PRKAR1B: variants seen among roughly 807,000 people sequenced by gnomAD.
PRKAR1B encodes protein kinase cAMP-dependent type I regulatory subunit beta.
PRKAR1B carries 22 observed loss-of-function variants against 46.5 expected under a neutral mutation model. That is an observed-to-expected ratio of 0.47 (90% confidence interval 0.34 to 0.68). The LOEUF (loss-of-function observed/expected upper bound fraction) is 0.68. Ranked by LOEUF, PRKAR1B falls within the 30% of genes least tolerant of loss-of-function variation. The probability of loss-of-function intolerance (pLI) is 0.01; values close to 1 mark genes in which losing one functional copy is unlikely to be tolerated. For synonymous variants in PRKAR1B, 259 were observed against 217.7 expected, an observed-to-expected ratio of 1.19 and a Z score of -1.67; for missense variants, 445 against 535.6, an observed-to-expected ratio of 0.83 and a Z score of 1.67.
intron 2 of PRKAR1B, among the ~76,000 whole-genome samples, chr7:693,238 CTTTTT>C (rs111739617): frequency 7.2e-6 from 1 of 138,490 alleles, no homozygotes; most frequent in African/African-American, 2.7e-5. Context: ...TCCTGTCGAG[CTTTTT>C]TTTTTTTTTT....
chr7:657,266 C>CGGATGGAT (rs34846168), intron 4 of PRKAR1B, among the ~76,000 whole-genome samples: 1,105 of 98,792 alleles, frequency 0.011, 44 homozygotes, highest in East Asian at 0.026. Context: ...AATGGACGGA[C>CGGATGGAT]GGATGGATGG....
In PRKAR1B at chr7:644,469, G is replaced by A. The variant is rs1036682999; in HGVS notation, c.440+32760C>T. ...TCTCTGCCTGCAGGCTCTTGCATCA[G>A]GAGGGAAGCCCCACTCGGACGCCAT... On this transcript the variant is annotated intron_variant, in intron 4 of 10. Coordinates refer to ENST00000537384, the MANE Select transcript of PRKAR1B (RefSeq NM_001164760.2). The surrounding 1 kb of genome is among the most constrained non-coding windows in gnomAD (Gnocchi z 4.9). Among the ~76,000 whole-genome samples the A allele has an allele frequency of 2.0e-5, 3 of 152,164 alleles. No homozygotes were observed. The highest frequency in any genetic ancestry group is 7.2e-5 in the African/African-American group (3 of 41,438).
At chr7:620,504 T>C (rs1002654964) in intron 4 of PRKAR1B, among the ~76,000 whole-genome samples, 1 of 152,224 alleles carries the variant, frequency 6.6e-6, no homozygotes, top group African/African-American at 2.4e-5. Flanking sequence ...GCTCTTTTTT[T>C]TCTCTCTTTC....
rs189015233 is a variant in PRKAR1B at position 690,129 on chromosome 7, T to A, written c.178-9403A>T. Among the ~76,000 whole-genome samples, 359 of 151,958 alleles carry A rather than the reference T, an allele frequency of 2.4e-3. 1 individual carries two copies. Among genetic ancestry groups the A allele is most frequent in the African/African-American group, 8.0e-3 (333 of 41,520 alleles). On this transcript the variant is annotated intron_variant, in intron 2 of 10. Coordinates refer to ENST00000537384, the MANE Select transcript of PRKAR1B (RefSeq NM_001164760.2). ...CTGGGCAACATGGTGAAACCCCGTC[T>A]CTACTAAAATACAAAAATTAGCCAG...
intron 2 of PRKAR1B, among the ~76,000 whole-genome samples, chr7:707,002 C>A (rs1780364620): frequency 6.6e-6 from 1 of 152,202 alleles, no homozygotes; most frequent in Non-Finnish European, 1.5e-5. Flanking sequence ...CCAGGGCTGC[C>A]GCCCTACCCA....
At chr7:591,634 G>A (rs944016595) in intron 7 of PRKAR1B, among the ~76,000 whole-genome samples, 1 of 152,174 alleles carries the variant, frequency 6.6e-6, no homozygotes. Context: ...AGGGTCGCTT[G>A]AGCTCATGAG....
intron 4 of PRKAR1B, among the ~76,000 whole-genome samples, chr7:623,852 A>G (rs1354081570): frequency 6.6e-6 from 1 of 152,236 alleles, no homozygotes; most frequent in African/African-American, 2.4e-5. Flanking sequence ...GCCAGGGTTC[A>G]GGGTATGGAA....
intron 9 of PRKAR1B, among the ~76,000 whole-genome samples, chr7:556,118 G>A (rs28649270): frequency 6.6e-6 from 1 of 152,106 alleles, no homozygotes; most frequent in African/African-American, 2.4e-5. Context: ...AAGCTCCCAG[G>A]CACCCCCAGG....
At chr7:642,747 A>G (rs1784453590) in intron 4 of PRKAR1B, among the ~76,000 whole-genome samples, 1 of 146,940 alleles carries the variant, frequency 6.8e-6, no homozygotes, top group African/African-American at 2.7e-5. Context: ...AAAAAAAAAA[A>G]AAGAAAGAAA....
At position 667,162 on chromosome 7, in the gene PRKAR1B, TGGTG is replaced by T. The variant is rs1785980075; in HGVS notation, c.440+10063_440+10066del. ...GTGGTGGTGATGGTGATGATAATGATGGTGATGATGACAGTGATGATGGTGATGG... is the reference window on the plus strand; with the variant it reads ...GTGGTGGTGATGGTGATGATAATGATATGATGACAGTGATGATGGTGATGG... On this transcript the variant is annotated intron_variant, in intron 4 of 10. Coordinates refer to ENST00000537384, the MANE Select transcript of PRKAR1B (RefSeq NM_001164760.2). This position sits in a 1 kb window ranked among gnomAD's most constrained non-coding sequence, Gnocchi z 4.3. Among the ~76,000 whole-genome samples, 1 of 152,010 alleles carries T rather than the reference TGGTG, an allele frequency of 6.6e-6. No individual in the cohort carries two copies. Among genetic ancestry groups the T allele is most frequent in the Non-Finnish European group, 1.5e-5 (1 of 68,004 alleles).
At position 564,877 on chromosome 7, in the gene PRKAR1B, C is replaced by T. The variant is rs182335850; in HGVS notation, c.892-13407G>A. Among the ~76,000 whole-genome samples, 487 of 152,256 alleles carry T rather than the reference C, an allele frequency of 3.2e-3. 2 individuals carry two copies. Among genetic ancestry groups the T allele is most frequent in the African/African-American group, 0.011 (454 of 41,558 alleles). On this transcript the variant is annotated intron_variant, in intron 9 of 10. Transcript: ENST00000537384. ...ATGCCCCCCAACCTTGCATCTGGGA[C>T]GGGAGCCCAGGGGTATTTTTCCACC...
Position 602,784 on chromosome 7 carries a change from G to A in PRKAR1B, c.549+3409C>T, listed in dbSNP as rs933029121. Reference sequence around the variant, plus strand: ...GGGCCAAGAGCAGAACCCCAGGAGGGTTATCTCAGTCTTCCCGGCAGCAGT... The same window carrying A: ...GGGCCAAGAGCAGAACCCCAGGAGGATTATCTCAGTCTTCCCGGCAGCAGT... On this transcript the variant is annotated intron_variant, in intron 6 of 10. Coordinates refer to ENST00000537384, the MANE Select transcript of PRKAR1B (RefSeq NM_001164760.2). The surrounding 1 kb of genome is among the most constrained non-coding windows in gnomAD (Gnocchi z 6.4). The A allele has an allele frequency of 1.1e-4, 19 of 167,208 alleles. No individual in the cohort carries two copies. Among genetic ancestry groups the A allele is most frequent in the African/African-American group, 4.3e-4 (18 of 41,524 alleles). 10.4% of individuals were successfully genotyped at this position (167,208 alleles called of 1,614,324 possible).
At position 610,155 on chromosome 7, in the gene PRKAR1B, CAG is replaced by C. The variant is rs1562560889; in HGVS notation, c.441-2705_441-2704del. Among the ~76,000 whole-genome samples, 3 of 152,344 alleles carry C rather than the reference CAG, an allele frequency of 2.0e-5. No homozygotes were observed. The South Asian group carries it at 6.2e-4, about 32-fold the overall frequency. ...ACACGCTGGGCCACGATGGACATGA[CAG>C]AACTCCCCATGAACAGGGGGCAGGT... On this transcript the variant is annotated intron_variant, in intron 4 of 10. Transcript: ENST00000537384.
At chr7:678,497 C>T (rs1362856287) in intron 3 of PRKAR1B, among the ~76,000 whole-genome samples, 1 of 152,200 alleles carries the variant, frequency 6.6e-6, no homozygotes, top group Non-Finnish European at 1.5e-5. Context: ...ACTCTGCACC[C>T]TTTGATCAAC....
At chr7:640,570 C>G (rs1784335243) in intron 4 of PRKAR1B, among the ~76,000 whole-genome samples, 1 of 152,142 alleles carries the variant, frequency 6.6e-6, no homozygotes, top group South Asian at 2.1e-4. Flanking sequence ...CGAGACCAAC[C>G]TGGCTAACAT....
At position 619,099 on chromosome 7, in the gene PRKAR1B, A is replaced by G. The variant is rs148519587; in HGVS notation, c.441-11647T>C. Among the ~76,000 whole-genome samples, 15 of 152,332 alleles carry G rather than the reference A, an allele frequency of 9.8e-5. No homozygotes were observed. In the East Asian group the frequency reaches 2.5e-3, roughly 25 times the overall value. ...CTGGAGTAGGGTTGGCCCTAACTCA[A>G]TATGATTGGTGTCCTTATAAAAAGA... On this transcript the variant is annotated intron_variant, in intron 4 of 10. Transcript: ENST00000537384.
At chr7:684,516 T>C (rs918907627) in intron 2 of PRKAR1B, among the ~76,000 whole-genome samples, 2 of 152,182 alleles carry the variant, frequency 1.3e-5, no homozygotes, top group Non-Finnish European at 2.9e-5. Context: ...GCATGGAATT[T>C]GACATTCAGA....
At position 725,122 on chromosome 7, in the gene PRKAR1B, G is replaced by A. The variant is rs554743630; in HGVS notation, c.-23+2088C>T. ...CCAGCTACTTGGGAGGCTGAGGCAGGAGAATGGCATGAACCTGGGAGGCAG... is the reference window on the plus strand; with the variant it reads ...CCAGCTACTTGGGAGGCTGAGGCAGAAGAATGGCATGAACCTGGGAGGCAG... On this transcript the variant is annotated intron_variant, in intron 1 of 10. Coordinates refer to ENST00000537384, the MANE Select transcript of PRKAR1B (RefSeq NM_001164760.2). 3.2e-3 allele frequency among the ~76,000 whole-genome samples: 490 copies of A among 151,760 alleles called. 3 individuals are homozygous for A. The highest frequency in any genetic ancestry group is 0.011 in the African/African-American group (463 of 41,360).
intron 6 of PRKAR1B, among the ~76,000 whole-genome samples, chr7:599,516 G>T (rs554683226): frequency 2.6e-5 from 4 of 152,104 alleles, no homozygotes; most frequent in African/African-American, 7.2e-5. Flanking sequence ...TCAAACTCCT[G>T]ACCTCAGGTG....
Sources: gnomAD v4.1 joint callset for allele counts (sites outside exome capture counted in the v4.1 genomes callset) on GRCh38, gnomAD v4.1.1 for gene constraint, Gnocchi (gnomAD v3.1) non-coding constraint, MANE v1.5 for transcripts, NCBI Gene and HGNC (gene_info 2026-07-23, HGNC 2026-07-21) for gene names.